The following HDLBP variants were observed in gnomAD, a reference collection of about 807,000 sequenced individuals.
HDLBP encodes the protein high density lipoprotein binding protein.
Under a neutral mutation model 137.3 loss-of-function variants are expected in HDLBP, and 30 were observed. The observed-to-expected ratio is 0.22, with a 90% CI of 0.16 to 0.30. HDLBP has a LOEUF of 0.30. Ranked by LOEUF, HDLBP falls within the 10% of genes least tolerant of loss-of-function variation. The probability of loss-of-function intolerance (pLI) is 1.00; values close to 1 mark genes in which losing one functional copy is unlikely to be tolerated. For synonymous variants in HDLBP, 606 were observed against 596.0 expected, an observed-to-expected ratio of 1.02 and a Z score of -0.24; for missense variants, 1,119 against 1,667.3, an observed-to-expected ratio of 0.67 and a Z score of 5.73.
Position 241,253,448 on chromosome 2 carries a change from G to A in HDLBP, c.1238C>T (p.Pro413Leu), listed in dbSNP as rs2072362871. Residue 413 changes from proline to leucine, a missense_variant, in exon 10 of 28, where the codon CCT becomes CTT. Pro to Leu is a moderately conservative substitution (Grantham distance 98). This residue lies in a region of HDLBP where 425 missense variants were observed against 693.9 expected (regional missense o/e 0.61). Transcript: ENST00000310931. ...EGEDKITLEG[P>L]TEDVNVAQEQ... The stretch of plus-strand genomic sequence containing the variant: ...CTGGGCCACATTGACATCCTCTGTA[G>A]GGCCCTCCAGGGTGATCTTGTCTTC... 6.2e-7 allele frequency: 1 copy of A among 1,613,648 alleles called. No homozygotes were observed. The highest frequency in any genetic ancestry group is 1.3e-5 in the African/African-American group (1 of 74,912).
Position 241,233,768 on chromosome 2 carries a change from G to C in HDLBP, c.3288+52C>G, listed in dbSNP as rs932454376. The C allele has an allele frequency of 2.5e-6, 4 of 1,608,634 alleles. No homozygotes were observed. Among genetic ancestry groups the C allele is most frequent in the Admixed American group, 3.3e-5 (2 of 59,898 alleles). ...TCTGGTTACTGCTCCCAAGTCACAG[G>C]AAAGGTCAACAAGCACCTCTGCCCC... On this transcript the variant is annotated intron_variant, in intron 24 of 27. Transcript: ENST00000310931. The surrounding 1 kb of genome is among the most constrained non-coding windows in gnomAD (Gnocchi z 4.3).
intron 16 of HDLBP, among the ~76,000 whole-genome samples, chr2:241,245,774 C>T (rs2071618776): frequency 1.3e-5 from 2 of 152,050 alleles, no homozygotes; most frequent in South Asian, 2.1e-4. Context: ...TGCACTCCAG[C>T]CTGGACGACA....
chr2:241,250,085 G>A, intron 11 of HDLBP, 105 bp from the exon 12 acceptor site: 1 of 1,133,132 alleles, frequency 8.8e-7, no homozygotes, highest in African/African-American at 1.6e-5. Context: ...CCTTATCTGT[G>A]ATTCCCATCA....
intron 3 of HDLBP, among the ~76,000 whole-genome samples, chr2:241,265,818 CT>C: frequency 6.6e-6 from 1 of 152,292 alleles, no homozygotes; most frequent in East Asian, 1.9e-4. Context: ...TCAGTGCCGT[CT>C]TCCCTCTCTA....
chr2:241,241,217 T>G (rs2071178013), intron 17 of HDLBP, among the ~76,000 whole-genome samples: 1 of 151,864 alleles, frequency 6.6e-6, no homozygotes, highest in South Asian at 2.1e-4. Context: ...GGCTCCAGAT[T>G]AGAGAGAAAT....
In HDLBP at chr2:241,272,429, G is replaced by C; in HGVS notation, c.-102-3888C>G. 1.0e-6 allele frequency: 1 copy of C among 984,538 alleles called. No homozygotes were observed. The highest frequency in any genetic ancestry group is 1.2e-6 in the Non-Finnish European group (1 of 829,626). 61.0% of individuals were successfully genotyped at this position (984,538 alleles called of 1,614,324 possible). On this transcript the variant is annotated intron_variant, in intron 1 of 27. Transcript: ENST00000310931. The surrounding 1 kb of genome is among the most constrained non-coding windows in gnomAD (Gnocchi z 5.6). ...ACCAGGGGTGCCCCACCGAAGCCCC[G>C]GGAGGAGGCGGGGGAGCCCAGCTTG...
rs771240280 is a variant in HDLBP at position 241,230,241 on chromosome 2, G to T, written c.3503C>A (p.Ala1168Asp). ...KVDIRFPQSG[A>D]PDPNCVTVTG... ...CACAGTGACGCAGTTGGGGTCTGGG[G>T]CTCCGCTCTGTGGGAAGCGAATGTC... Residue 1168 changes from alanine (A) to aspartate (D), a missense_variant, in exon 26 of 28, where the codon GCC (alanine) becomes GAC (aspartate). Physicochemically the swap from Ala to Asp is moderately radical, Grantham distance 126 (BLOSUM62 -2). This residue lies in a region of HDLBP where 618 missense variants were observed against 816.7 expected (regional missense o/e 0.76). Coordinates refer to ENST00000310931, the MANE Select transcript of HDLBP (RefSeq NM_005336.6). This position sits in a 1 kb window ranked among gnomAD's most constrained non-coding sequence, Gnocchi z 5.0. 11 of 1,605,820 alleles carry T rather than the reference G, an allele frequency of 6.9e-6. No individual in the cohort carries two copies. Among genetic ancestry groups the T allele is most frequent in the African/African-American group, 2.7e-5 (2 of 74,808 alleles).
In HDLBP at chr2:241,235,173, T is replaced by C. The variant is rs746379684; in HGVS notation, c.3092A>G (p.Lys1031Arg). 10 of 1,614,064 alleles carry C rather than the reference T, an allele frequency of 6.2e-6. No individual in the cohort carries two copies. The Admixed American group carries it at 1.7e-4, about 27-fold the overall frequency. The change falls in exon 23 of 28, where the codon AAG becomes AGG. Residue 1031 changes from lysine to arginine, a missense_variant. Lys to Arg is a conservative substitution (Grantham distance 26, BLOSUM62 2). This residue lies in a region of HDLBP where 618 missense variants were observed against 816.7 expected (regional missense o/e 0.76). Transcript: ENST00000310931. Reference sequence around the variant, plus strand: ...CTTCACACGCTCCAGCAGTCCAGCCTTGGCCCGGTCCAAATTTGCAGCGAG... The same window carrying C: ...CTTCACACGCTCCAGCAGTCCAGCCCTGGCCCGGTCCAAATTTGCAGCGAG... ...TGLAANLDRA[K>R]AGLLERVKEL...
In HDLBP at chr2:241,246,857, G is replaced by T. The variant is rs768858188; in HGVS notation, c.1845C>A (p.Ile615=). The change falls in exon 16 of 28, where the codon ATC becomes ATA. Residue 615 remains isoleucine, a synonymous_variant. Coordinates refer to ENST00000310931, the MANE Select transcript of HDLBP (RefSeq NM_005336.6). The stretch of plus-strand genomic sequence containing the variant: ...AATTGCTATTCTCTGCTGGAAGGTC[G>T]ATTTTGGTGTTGCTTTCTTCACGAA... ...KKIREESNTK[I]DLPAENSNSE... is the part of the protein sequence containing the mutation. The T allele has an allele frequency of 6.2e-7, 1 of 1,614,086 alleles. No individual in the cohort carries two copies. The highest frequency in any genetic ancestry group is 1.1e-5 in the South Asian group (1 of 91,064).
chr2:241,254,729 C>T (rs1258747495), intron 9 of HDLBP, among the ~76,000 whole-genome samples: 3 of 152,034 alleles, frequency 2.0e-5, no homozygotes, highest in Admixed American at 1.3e-4. Flanking sequence ...CATGAGCCAC[C>T]GCACCCGGCC....
intron 3 of HDLBP, 53 bp downstream of exon 3, chr2:241,266,741 G>C: frequency 8.6e-7 from 1 of 1,165,416 alleles, no homozygotes; most frequent in Non-Finnish European, 1.3e-6. Context: ...AAAGGCTTTA[G>C]AGGGAGCAAT....
At chr2:241,253,165 T>G (rs1344160759) in intron 10 of HDLBP, 130 bp from the exon 11 acceptor site, 1 of 685,202 alleles carries the variant, frequency 1.5e-6, no homozygotes, top group Non-Finnish European at 2.6e-6. Flanking sequence ...AGACTGCCCC[T>G]GCATCTCCCC....
At chr2:241,280,402 G>A (rs1388429273) in intron 1 of HDLBP, among the ~76,000 whole-genome samples, 1 of 152,164 alleles carries the variant, frequency 6.6e-6, no homozygotes, top group African/African-American at 2.4e-5. Flanking sequence ...AAAGTCTCAC[G>A]AAAGTTCAGA....
At chr2:241,311,954 A>G (rs4488659) in intron 1 of HDLBP, among the ~76,000 whole-genome samples, 121,715 of 152,134 alleles carry the variant, frequency 0.8, 48,860 homozygotes, top group East Asian at 0.95. Flanking sequence ...CAGGGGTAGG[A>G]GACACAAATA....
chr2:241,296,031 A>ATT (rs139523542), intron 1 of HDLBP, among the ~76,000 whole-genome samples: 3 of 149,136 alleles, frequency 2.0e-5, no homozygotes, highest in African/African-American at 7.4e-5. Context: ...CCAGTAGGAT[A>ATT]TTTTTTTAAC....
chr2:241,277,245 G>C (rs1398648943), intron 1 of HDLBP, among the ~76,000 whole-genome samples: 2 of 151,862 alleles, frequency 1.3e-5, no homozygotes, highest in Admixed American at 6.6e-5. Flanking sequence ...TATTAGTGAA[G>C]AGGAAAAAAA....
Position 241,310,039 on chromosome 2 carries a change from A to T in HDLBP, c.-103+5531T>A, listed in dbSNP as rs143941416. 1.3e-3 allele frequency among the ~76,000 whole-genome samples: 201 copies of T among 152,350 alleles called. 1 individual carries two copies. The highest frequency in any genetic ancestry group is 4.6e-3 in the African/African-American group (191 of 41,578). On this transcript the variant is annotated intron_variant, in intron 1 of 27. Coordinates refer to ENST00000310931, the MANE Select transcript of HDLBP (RefSeq NM_005336.6). ...AGAACATCACTGCATAGCCCAGAAA[A>T]GGCTGACAAAAGCCAAAAACCCACA...
At chr2:241,254,108 ACTCTGC>A (rs1351299879) in intron 9 of HDLBP, among the ~76,000 whole-genome samples, 7 of 151,902 alleles carry the variant, frequency 4.6e-5, no homozygotes, top group Admixed American at 1.3e-4. Flanking sequence ...AACTAGTAAG[ACTCTGC>A]CTCCACGAAA....
Position 241,238,450 on chromosome 2 carries a change from C to T in HDLBP, c.2749+199G>A, listed in dbSNP as rs962546167. 5 of 430,310 alleles carry T rather than the reference C, an allele frequency of 1.2e-5. No individual in the cohort carries two copies. The highest frequency in any genetic ancestry group is 1.6e-5 in the Non-Finnish European group (4 of 244,262). 26.7% of individuals were successfully genotyped at this position (430,310 alleles called of 1,614,324 possible). Reference sequence around the variant, plus strand: ...TGTCTCTAGGACCTATGAAGGTCACCTGGTCACTCTGTCAGTAACTGACGT... The same window carrying T: ...TGTCTCTAGGACCTATGAAGGTCACTTGGTCACTCTGTCAGTAACTGACGT... On this transcript the variant is annotated intron_variant, in intron 20 of 27. Coordinates refer to ENST00000310931, the MANE Select transcript of HDLBP (RefSeq NM_005336.6). The surrounding 1 kb of genome is among the most constrained non-coding windows in gnomAD (Gnocchi z 4.9).
Sources: gnomAD v4.1 joint callset for allele counts (sites outside exome capture counted in the v4.1 genomes callset) on GRCh38, gnomAD v4.1.1 for gene constraint, gnomAD v4.1.1 regional missense constraint, Gnocchi (gnomAD v3.1) non-coding constraint, MANE v1.5 for transcripts, NCBI Gene and HGNC (gene_info 2026-07-23, HGNC 2026-07-21) for gene names.